GSE1: variants seen among roughly 807,000 people sequenced by gnomAD.
GSE1 encodes genetic suppressor element 1.
In GSE1, 32 loss-of-function variants were observed where a neutral mutation model predicts 112.6. That is an observed-to-expected ratio of 0.28 (90% CI 0.21 to 0.38). The LOEUF is 0.38. Among genes scored for constraint, GSE1 ranks in the 10% least tolerant of loss-of-function variants. GSE1 has a pLI of 1.00. For synonymous variants in GSE1, 1,115 were observed against 735.6 expected, an observed-to-expected ratio of 1.52 and a Z score of -8.35; for missense variants, 2,348 against 1,699.2, an observed-to-expected ratio of 1.38 and a Z score of -6.71.
intron 1 of GSE1, chr16:85,592,236 C>A (rs1172402437): frequency 6.6e-6 from 1 of 151,612 alleles, no homozygotes; most frequent in South Asian, 2.1e-4. Flanking sequence ...GATCTTGGCT[C>A]ACCGCAACTT....
At chr16:85,512,410 C>T (rs551605096) in intron 2 of GSE1, among the ~76,000 whole-genome samples, 48 of 152,320 alleles carry the variant, frequency 3.2e-4, no homozygotes, top group Non-Finnish European at 1.0e-4. Context: ...ACTCGCCGTG[C>T]TTCTGCGAGC....
At chr16:85,195,603 C>G (rs2074911426) in intron 1 of GSE1, among the ~76,000 whole-genome samples, 1 of 152,036 alleles carries the variant, frequency 6.6e-6, no homozygotes, top group East Asian at 1.9e-4. Flanking sequence ...CCATTTGGGT[C>G]CCCCCTGCTA....
chr16:85,671,356 C>G (rs923889260), intron 15 of GSE1, among the ~76,000 whole-genome samples: 1 of 143,764 alleles, frequency 7.0e-6, no homozygotes, highest in East Asian at 2.1e-4. Context: ...AGGAGAATGG[C>G]GTGAACCCGG....
intron 2 of GSE1, among the ~76,000 whole-genome samples, chr16:85,482,073 C>T (rs890590211): frequency 1.3e-5 from 2 of 152,250 alleles, no homozygotes; most frequent in African/African-American, 2.4e-5. Flanking sequence ...TGAAGGGAGC[C>T]GCTGTTGTGG....
At chr16:85,312,106 A>C (rs1323983150) in intron 1 of GSE1, among the ~76,000 whole-genome samples, 1 of 146,040 alleles carries the variant, frequency 6.8e-6, no homozygotes, top group Non-Finnish European at 1.5e-5. Context: ...GGACGCTCAG[A>C]CTCTCCTGCT....
intron 1 of GSE1, among the ~76,000 whole-genome samples, chr16:85,603,197 G>T (rs1339517342): frequency 6.6e-6 from 1 of 152,246 alleles, no homozygotes; most frequent in Non-Finnish European, 1.5e-5. Flanking sequence ...AGCTTTGAGG[G>T]AGCTCAGCTG....
intron 2 of GSE1, among the ~76,000 whole-genome samples, chr16:85,520,021 A>G (rs1288715324): frequency 6.6e-6 from 1 of 152,110 alleles, no homozygotes; most frequent in Non-Finnish European, 1.5e-5. Context: ...GAGGCCCAGG[A>G]CCCTGTCTTA....
chr16:85,352,578 C>T (rs1017235130), intron 1 of GSE1, among the ~76,000 whole-genome samples: 2 of 152,174 alleles, frequency 1.3e-5, no homozygotes, highest in African/African-American at 4.8e-5. Context: ...GAAGACACAG[C>T]ACATATGCAG....
At chr16:85,665,441 G>A (rs1267464238) in intron 12 of GSE1, among the ~76,000 whole-genome samples, 1 of 152,158 alleles carries the variant, frequency 6.6e-6, no homozygotes, top group Admixed American at 6.5e-5. Context: ...CAATCCAATG[G>A]TACCATCCCA....
At chr16:85,630,224 C>T (rs968689345) in intron 1 of GSE1, among the ~76,000 whole-genome samples, 2 of 152,236 alleles carry the variant, frequency 1.3e-5, no homozygotes, top group South Asian at 2.1e-4. Context: ...CTTACCTTGG[C>T]AGCTGCAGAC....
intron 1 of GSE1, among the ~76,000 whole-genome samples, chr16:85,292,336 T>TC (rs1396413912): frequency 1.3e-5 from 2 of 150,136 alleles, no homozygotes. Flanking sequence ...TTGTTTTTTT[T>TC]TTTTGTTTTC....
chr16:85,634,955 G>A (rs371885792), intron 2 of GSE1, among the ~76,000 whole-genome samples: 1 of 152,114 alleles, frequency 6.6e-6, no homozygotes, highest in Non-Finnish European at 1.5e-5. Context: ...TGACAGGCGG[G>A]GGGGCTGAGG....
At chr16:85,467,842 G>T (rs1220604472) in intron 2 of GSE1, among the ~76,000 whole-genome samples, 1 of 152,210 alleles carries the variant, frequency 6.6e-6, no homozygotes, top group African/African-American at 2.4e-5. Context: ...TGTTGGAGTT[G>T]ACAGTTGATT....
chr16:85,410,142 A>G (rs2048469109), intron 2 of GSE1, among the ~76,000 whole-genome samples: 1 of 66,948 alleles, frequency 1.5e-5, no homozygotes, highest in Non-Finnish European at 2.5e-5. Flanking sequence ...GGTCCCTCTG[A>G]TAATCCTCGC....
intron 1 of GSE1, among the ~76,000 whole-genome samples, chr16:85,186,377 G>GGT (rs1005402885): frequency 1.3e-5 from 2 of 152,126 alleles, no homozygotes; most frequent in African/African-American, 4.8e-5. Flanking sequence ...GGCCGAGGCA[G>GGT]GTGGATCATG....
intron 2 of GSE1, among the ~76,000 whole-genome samples, chr16:85,529,026 C>G (rs972454028): frequency 1.3e-5 from 2 of 152,198 alleles, no homozygotes; most frequent in African/African-American, 4.8e-5. Flanking sequence ...GCACCCTCAT[C>G]TTGGTGGACC....
rs144094383 is a variant in GSE1 at position 85,629,893 on chromosome 16, C to G, written c.8-4021C>G. 2.9e-3 allele frequency among the ~76,000 whole-genome samples: 445 copies of G among 152,302 alleles called. 2 individuals are homozygous for G. Among genetic ancestry groups the G allele is most frequent in the African/African-American group, 9.9e-3 (412 of 41,558 alleles). ...TATCTAGCGTTGTGTGACCAACTGT[C>G]CGCAGCTCAGTGGCTTAAACACAAA... is the stretch of plus-strand genomic sequence containing the variant. On this transcript the variant is annotated intron_variant, in intron 1 of 15. Coordinates refer to ENST00000253458, the MANE Select transcript of GSE1 (RefSeq NM_014615.5).
chr16:85,547,336 C>T (rs1034388919), intron 2 of GSE1, among the ~76,000 whole-genome samples: 14 of 152,210 alleles, frequency 9.2e-5, no homozygotes, highest in African/African-American at 2.9e-4. Context: ...ATCCATGTGT[C>T]AGCGGGGCCA....
intron 1 of GSE1, among the ~76,000 whole-genome samples, chr16:85,246,654 G>A (rs1905871931): frequency 6.6e-6 from 1 of 152,058 alleles, no homozygotes; most frequent in Admixed American, 6.5e-5. Context: ...CTCAGCAGGG[G>A]TTCTGGGCAC....
Sources: allele counts gnomAD v4.1 joint callset (sites outside exome capture counted in the v4.1 genomes callset), GRCh38; gene constraint gnomAD v4.1.1; transcripts MANE v1.5; gene names NCBI Gene and HGNC (gene_info 2026-07-23, HGNC 2026-07-21).